MORC1: variants seen among roughly 807,000 people sequenced by gnomAD.
The protein encoded by MORC1 is MORC family CW-type zinc finger protein 1.
Under a neutral mutation model 134.9 loss-of-function variants are expected in MORC1, and 59 were observed. The observed-to-expected ratio is 0.44, with a 90% CI of 0.35 to 0.54. The LOEUF (loss-of-function observed/expected upper bound fraction) is 0.54. Ranked by LOEUF, MORC1 falls within the 20% of genes least tolerant of loss-of-function variation. The probability of loss-of-function intolerance (pLI) is 0.00; values close to 1 mark genes in which losing one functional copy is unlikely to be tolerated. For synonymous variants in MORC1, 395 were observed against 391.7 expected (o/e 1.01, Z -0.10); for missense variants, 947 against 1,134.5 (o/e 0.83, Z 2.37).
intron 23 of MORC1, 45 bp downstream of exon 23, chr3:108,984,671 G>T (rs2593958): frequency 0.4 from 535,796 of 1,328,434 alleles, 112,290 homozygotes; most frequent in Middle Eastern, 0.56. Flanking sequence ...TTTTCAGCAG[G>T]ATAATTGCAC....
chr3:109,114,585 C>T lies in MORC1; in HGVS notation c.66-148G>A, dbSNP rs960202180. On this transcript the variant is annotated intron_variant, in intron 1 of 27. Transcript: ENST00000232603. ...CTAGAAACAACTCTCTCAGCACGGT[C>T]AAGATTCGGAACTAGATACCCTCCA... 7 of 662,468 alleles carry T rather than the reference C, an allele frequency of 1.1e-5. No individual in the cohort carries two copies. In the African/African-American group the frequency reaches 1.1e-4, roughly 11 times the overall value. The allele number at this position is 662,468 out of a possible 1,614,324, so 41.0% of individuals were successfully genotyped here.
intron 22 of MORC1, among the ~76,000 whole-genome samples, 180 bp from the exon 23 acceptor site, chr3:108,984,962 T>C (rs1389031478): frequency 6.6e-6 from 1 of 152,240 alleles, no homozygotes; most frequent in African/African-American, 2.4e-5. Context: ...TAGTTTATAA[T>C]GTTTTAAAAT....
chr3:109,040,472 G>GA, intron 14 of MORC1, among the ~76,000 whole-genome samples: 1 of 144,846 alleles, frequency 6.9e-6, no homozygotes, highest in African/African-American at 2.6e-5. Context: ...AAGAAAGAAA[G>GA]AAAGAAAGAA....
intron 24 of MORC1, among the ~76,000 whole-genome samples, chr3:108,977,344 A>T (rs1284930262): frequency 6.6e-6 from 1 of 152,224 alleles, no homozygotes; most frequent in Non-Finnish European, 1.5e-5. Flanking sequence ...AATATAATAA[A>T]GGTTCAAACC....
At chr3:109,007,138 C>T in intron 17 of MORC1, 47 bp from the exon 18 acceptor site, 4 of 1,400,308 alleles carry the variant, frequency 2.9e-6, no homozygotes, top group Non-Finnish European at 4.0e-6. Context: ...TAAAAATAAG[C>T]TTCAACTGGC....
intron 17 of MORC1, chr3:109,018,926 TC>T (rs913451445): frequency 6.6e-6 from 1 of 152,090 alleles, no homozygotes; most frequent in Admixed American, 6.6e-5. Context: ...CTGTGTCCTC[TC>T]CCTATTCCTC....
In MORC1 at chr3:109,061,985, T is replaced by C; in HGVS notation, c.966+3A>G. ...ATAAGACTACTCTCTTTACATGTCG[T>C]ACCTTGGCAGAAGATAAAGAGGTTC... On this transcript the variant is annotated splice_donor_region_variant and intron_variant, in intron 11 of 27. Coordinates refer to ENST00000232603, the MANE Select transcript of MORC1 (RefSeq NM_014429.4). 6.2e-7 allele frequency: 1 copy of C among 1,613,264 alleles called. No individual in the cohort carries two copies. The highest frequency in any genetic ancestry group is 8.5e-7 in the Non-Finnish European group (1 of 1,179,234).
intron 14 of MORC1, among the ~76,000 whole-genome samples, chr3:109,045,918 AGTTCCGT>A: frequency 6.6e-6 from 1 of 152,196 alleles, no homozygotes; most frequent in Non-Finnish European, 1.5e-5. Context: ...CATTTTCTCT[AGTTCCGT>A]ATCACTGGTT....
intron 14 of MORC1, among the ~76,000 whole-genome samples, chr3:109,039,999 C>T (rs796221397): frequency 7.2e-5 from 11 of 152,072 alleles, no homozygotes; most frequent in Admixed American, 3.3e-4. Flanking sequence ...AGTCACTGCA[C>T]GTGTCCAGGC....
intron 17 of MORC1, among the ~76,000 whole-genome samples, chr3:109,026,960 ATCT>A (rs1197700207): frequency 6.6e-6 from 1 of 152,222 alleles, no homozygotes; most frequent in African/African-American, 2.4e-5. Flanking sequence ...TAAAAGAGTA[ATCT>A]TCTATGAGCC....
At chr3:109,063,103 T>G in intron 10 of MORC1, 49 bp downstream of exon 10, 1 of 1,357,456 alleles carries the variant, frequency 7.4e-7, no homozygotes, top group South Asian at 1.3e-5. Context: ...CAATTAACAT[T>G]TGCTGAATGA....
At chr3:108,960,524 C>T (rs1024661087) in intron 27 of MORC1, among the ~76,000 whole-genome samples, 7 of 152,162 alleles carry the variant, frequency 4.6e-5, no homozygotes, top group African/African-American at 1.7e-4. Context: ...GAGCAAAGGT[C>T]ATGACAACAA....
intron 20 of MORC1, among the ~76,000 whole-genome samples, chr3:109,002,438 C>T (rs1445742424): frequency 6.6e-6 from 1 of 152,186 alleles, no homozygotes; most frequent in African/African-American, 2.4e-5. Flanking sequence ...ATGCTGTGTT[C>T]CCTCCCCAAG....
chr3:109,016,237 T>C (rs1195507630), intron 17 of MORC1, among the ~76,000 whole-genome samples: 1 of 152,148 alleles, frequency 6.6e-6, no homozygotes, highest in East Asian at 1.9e-4. Flanking sequence ...ATATAACCAC[T>C]GAATCCACAC....
chr3:109,015,230 C>A (rs539289646), intron 17 of MORC1, among the ~76,000 whole-genome samples: 1 of 152,142 alleles, frequency 6.6e-6, no homozygotes, highest in South Asian at 2.1e-4. Flanking sequence ...ACAGACATAG[C>A]AATGACCTCC....
At chr3:109,075,476 T>C (rs1320879995) in intron 8 of MORC1, among the ~76,000 whole-genome samples, 2 of 152,226 alleles carry the variant, frequency 1.3e-5, no homozygotes, top group African/African-American at 4.8e-5. Context: ...AATTTTTATA[T>C]AAGGTGTAAG....
intron 1 of MORC1, among the ~76,000 whole-genome samples, chr3:109,117,346 A>AAAAAAAAAAAT (rs1951294951): frequency 6.6e-6 from 1 of 151,434 alleles, no homozygotes. Flanking sequence ...AAAAAAAAAA[A>AAAAAAAAAAAT]AAAAAAAGAA....
At chr3:109,014,664 C>T (rs9917718) in intron 17 of MORC1, among the ~76,000 whole-genome samples, 138,839 of 152,268 alleles carry the variant, frequency 0.91, 64,214 homozygotes, top group East Asian at 1. Context: ...ATAATTATTT[C>T]GTGCTAGTTT....
chr3:109,036,688 C>T (rs1425619105), intron 14 of MORC1, among the ~76,000 whole-genome samples: 1 of 152,082 alleles, frequency 6.6e-6, no homozygotes, highest in Non-Finnish European at 1.5e-5. Context: ...TGCTATGGGG[C>T]TTAGAGATCA....
Sources: allele counts gnomAD v4.1 joint callset (sites outside exome capture counted in the v4.1 genomes callset), GRCh38; gene constraint gnomAD v4.1.1; transcripts MANE v1.5; gene names NCBI Gene and HGNC (gene_info 2026-07-23, HGNC 2026-07-21).